The following PHF24 variants were observed in gnomAD, a reference collection of about 807,000 sequenced individuals.
PHF24 encodes PHD finger protein 24, also known as Galpha inhibitory interacting protein.
Under a neutral mutation model 42.6 loss-of-function variants are expected in PHF24, and 25 were observed. The ratio of observed to expected loss-of-function variants is 0.59; its 90% CI spans 0.43 to 0.82. The LOEUF is 0.82. PHF24 is among the 40% of genes least tolerant of loss of function. The pLI is 0.00. For missense variants in PHF24, 470 were observed against 538.1 expected (o/e 0.87, Z 1.25); for synonymous variants, 185 against 204.8 (o/e 0.90, Z 0.83).
the PHF24 span, among the ~76,000 whole-genome samples, chr9:34,920,407 C>T: frequency 6.6e-6 from 1 of 152,060 alleles, no homozygotes; most frequent in Non-Finnish European, 1.5e-5. Context: ...CTTTTTGTTA[C>T]TATAGTTCTG....
chr9:34,702,642 AC>A, the PHF24 span, among the ~76,000 whole-genome samples: 4 of 152,264 alleles, frequency 2.6e-5, no homozygotes, highest in Admixed American at 2.0e-4. Context: ...AGTAGGCACT[AC>A]TAGAAGAATT....
At chr9:34,703,938 G>A in the PHF24 span, among the ~76,000 whole-genome samples, 598 of 152,064 alleles carry the variant, frequency 3.9e-3, 12 homozygotes, top group East Asian at 3.5e-3. Flanking sequence ...CTGCAGCCTC[G>A]AACTCCTGAG....
the PHF24 span, among the ~76,000 whole-genome samples, chr9:34,941,234 C>T: frequency 6.6e-6 from 1 of 152,178 alleles, no homozygotes; most frequent in Non-Finnish European, 1.5e-5. Flanking sequence ...AGAATGTTGC[C>T]ACCAAGCTGG....
chr9:34,710,469 T>TG, the PHF24 span, among the ~76,000 whole-genome samples: 1 of 147,708 alleles, frequency 6.8e-6, no homozygotes, highest in Non-Finnish European at 1.5e-5. Context: ...AAGAGTTCTT[T>TG]TTTTTTTTTT....
chr9:34,974,185 T>C (rs1385443742), intron 3 of PHF24, among the ~76,000 whole-genome samples: 1 of 152,108 alleles, frequency 6.6e-6, no homozygotes, highest in East Asian at 1.9e-4. Context: ...CCAAACTTCT[T>C]AAAAGAATTT....
chr9:34,739,410 A>G, the PHF24 span, among the ~76,000 whole-genome samples: 1 of 152,202 alleles, frequency 6.6e-6, no homozygotes, highest in African/African-American at 2.4e-5. Context: ...CTGGGAATTT[A>G]CCTAATAGAT....
the PHF24 span, among the ~76,000 whole-genome samples, chr9:34,810,874 C>CG: frequency 6.6e-6 from 1 of 152,036 alleles, no homozygotes; most frequent in Admixed American, 6.6e-5. Flanking sequence ...GGGCCCCAAG[C>CG]GGGGGACGAG....
the PHF24 span, among the ~76,000 whole-genome samples, chr9:34,758,255 G>A: frequency 2.7e-3 from 411 of 152,254 alleles, 2 homozygotes; most frequent in African/African-American, 9.2e-3. The surrounding 1 kb of genome is among the most constrained non-coding windows in gnomAD (Gnocchi z 4.4). Flanking sequence ...ACAGGGTAAC[G>A]GACATGGGGC....
the PHF24 span, among the ~76,000 whole-genome samples, chr9:34,776,810 GACAACACAATT>G: frequency 2.9e-5 from 3 of 105,006 alleles, no homozygotes; most frequent in South Asian, 1.1e-3. Flanking sequence ...GCACAATTGG[GACAACACAATT>G]GGGACAACAC....
At chr9:34,740,877 T>C in the PHF24 span, among the ~76,000 whole-genome samples, 1 of 151,908 alleles carries the variant, frequency 6.6e-6, no homozygotes, top group African/African-American at 2.4e-5. Flanking sequence ...GTGTCCTCTC[T>C]TTCTCTCTCT....
At chr9:34,889,765 T>C in the PHF24 span, 1 of 397,142 alleles carries the variant, frequency 2.5e-6, no homozygotes, top group Admixed American at 4.4e-5. Context: ...CCTGAACTAT[T>C]TGACCCTGAA....
the PHF24 span, among the ~76,000 whole-genome samples, chr9:34,750,526 A>G: frequency 6.7e-6 from 1 of 150,270 alleles, no homozygotes; most frequent in Non-Finnish European, 1.5e-5. Flanking sequence ...AAATAAATAA[A>G]TAAATAAATA....
chr9:34,979,010 CT>C (rs1827302243), exon 8 of PHF24: 1 of 152,190 alleles, frequency 6.6e-6, no homozygotes, highest in Admixed American at 6.5e-5. Flanking sequence ...CCACAGCCCT[CT>C]GTGTTAGATG....
the PHF24 span, among the ~76,000 whole-genome samples, chr9:34,738,800 C>T: frequency 6.6e-6 from 1 of 152,182 alleles, no homozygotes; most frequent in Non-Finnish European, 1.5e-5. Context: ...CTTATGCTCC[C>T]TTGCTTCCTG....
intron 1 of PHF24, among the ~76,000 whole-genome samples, chr9:34,966,580 A>C (rs1482163144): frequency 4.1e-5 from 6 of 146,710 alleles, no homozygotes; most frequent in African/African-American, 7.6e-5. Flanking sequence ...ATATGGCGAG[A>C]CCCCCCCCCT....
chr9:34,867,253 C>G, the PHF24 span, among the ~76,000 whole-genome samples: 1 of 152,240 alleles, frequency 6.6e-6, no homozygotes, highest in Non-Finnish European at 1.5e-5. Flanking sequence ...GTTCTCTGCA[C>G]TAGGTCCCTG....
intron 2 of PHF24, among the ~76,000 whole-genome samples, chr9:34,972,014 C>T (rs917934156): frequency 2.6e-5 from 4 of 152,124 alleles, no homozygotes; most frequent in Non-Finnish European, 5.9e-5. Context: ...GAGGTCACAA[C>T]ACCAGGTGGC....
At chr9:34,875,948 A>ACT in the PHF24 span, among the ~76,000 whole-genome samples, 3 of 79,916 alleles carry the variant, frequency 3.8e-5, no homozygotes, top group East Asian at 4.9e-4. Context: ...ACACACACAC[A>ACT]CACTCTCTCT....
upstream of PHF24, among the ~76,000 whole-genome samples, chr9:34,955,102 G>A (rs1159715511): frequency 6.6e-6 from 1 of 152,146 alleles, no homozygotes; most frequent in Admixed American, 6.6e-5. Flanking sequence ...TCAAACTCCT[G>A]GGCTCAAGTG....
Sources: gnomAD v4.1 joint callset for allele counts (sites outside exome capture counted in the v4.1 genomes callset) on GRCh38, gnomAD v4.1.1 for gene constraint, Gnocchi (gnomAD v3.1) non-coding constraint, MANE v1.5 for transcripts, NCBI Gene and HGNC (gene_info 2026-07-23, HGNC 2026-07-21) for gene names.